The following COL5A1 variants were observed in gnomAD, a reference collection of about 807,000 sequenced individuals.
COL5A1 encodes collagen alpha-1(V) chain.
COL5A1 carries 16 observed loss-of-function variants against 263.7 expected under a neutral mutation model. The ratio of observed to expected loss-of-function variants is 0.06; its 90% CI spans 0.04 to 0.09. COL5A1 has a LOEUF of 0.09. Among genes scored for constraint, COL5A1 ranks in the 10% least tolerant of loss-of-function variants. The probability of loss-of-function intolerance (pLI) is 1.00; values close to 1 mark genes in which losing one functional copy is unlikely to be tolerated. For synonymous variants in COL5A1, 1,012 were observed against 1,004.5 expected, an observed-to-expected ratio of 1.01 and a Z score of -0.14; for missense variants, 2,036 against 2,540.5, an observed-to-expected ratio of 0.80 and a Z score of 4.27.
At position 134,765,798 on chromosome 9, in the gene COL5A1, C is replaced by A; in HGVS notation, c.2088+64C>A. On this transcript the variant is annotated intron_variant, in intron 21 of 65. Coordinates refer to ENST00000371817, the MANE Select transcript of COL5A1 (RefSeq NM_000093.5). The surrounding 1 kb of genome is among the most constrained non-coding windows in gnomAD (Gnocchi z 5.1). ...CGGCCTTTGAGACCCCGCCTCCCAG[C>A]CGGTGGACGCTTGGGCACTGGGGCA... 7.1e-6 allele frequency: 10 copies of A among 1,410,924 alleles called. No individual in the cohort carries two copies. Among genetic ancestry groups the A allele is most frequent in the Non-Finnish European group, 9.9e-6 (10 of 1,010,784 alleles). 87.4% of individuals were successfully genotyped at this position (1,410,924 alleles called of 1,614,324 possible). A position where few individuals can be genotyped will look rare whatever the true frequency, so the allele number is the denominator to read the frequency against.
At position 134,806,177 on chromosome 9, in the gene COL5A1, G is replaced by T. The variant is rs1035311171; in HGVS notation, c.3259-12G>T. On this transcript the variant is annotated splice_polypyrimidine_tract_variant and intron_variant, in intron 41 of 65. Coordinates refer to ENST00000371817, the MANE Select transcript of COL5A1 (RefSeq NM_000093.5). Reference sequence around the variant, plus strand: ...AGCCTTTGAAGCAGACTGTTTTCTTGCTCCACCTCAGGGATCTCCAGGGGA... The same window carrying T: ...AGCCTTTGAAGCAGACTGTTTTCTTTCTCCACCTCAGGGATCTCCAGGGGA... 3.2e-6 allele frequency: 5 copies of T among 1,544,166 alleles called. No homozygotes were observed. The African/African-American group carries it at 6.9e-5, about 21-fold the overall frequency.
At position 134,744,450 on chromosome 9, in the gene COL5A1, C is replaced by T. The variant is rs1588494101; in HGVS notation, c.1494+5642C>T. 2.6e-5 allele frequency among the ~76,000 whole-genome samples: 4 copies of T among 151,886 alleles called. No homozygotes were observed. The South Asian group carries it at 8.3e-4, about 31-fold the overall frequency. On this transcript the variant is annotated intron_variant, in intron 11 of 65. Coordinates refer to ENST00000371817, the MANE Select transcript of COL5A1 (RefSeq NM_000093.5). ...ACACACGCACACACTCATGTGTACA[C>T]GCACACACTCACCTATACATACACG...
At chr9:134,732,158 CCGGGGTGTCCGCTGCTCGGGGTCACAG>C in intron 9 of COL5A1, 31 bp downstream of exon 9, 1 of 1,612,890 alleles carries the variant, frequency 6.2e-7, no homozygotes, top group Non-Finnish European at 8.5e-7. Flanking sequence ...CCTCCCTGCG[CCGGGGTGTCCGCTGCTCGGGGTCACAG>C]CGGGGTGTGT....
chr9:134,648,861 G>T (rs1177078972), intron 1 of COL5A1, among the ~76,000 whole-genome samples: 1 of 152,216 alleles, frequency 6.6e-6, no homozygotes, highest in African/African-American at 2.4e-5. Context: ...GAGCCAGGAA[G>T]GTGCATCCTT....
chr9:134,805,469 C>T (rs1838262726), intron 41 of COL5A1, among the ~76,000 whole-genome samples: 2 of 152,278 alleles, frequency 1.3e-5, no homozygotes, highest in East Asian at 3.9e-4. Context: ...AGGAGCCACT[C>T]TGTGTTGCCT....
At chr9:134,773,602 C>T (rs948143843) in intron 26 of COL5A1, among the ~76,000 whole-genome samples, 3 of 152,342 alleles carry the variant, frequency 2.0e-5, no homozygotes, top group Admixed American at 6.5e-5. Flanking sequence ...GCTCTGGAAT[C>T]GGGCCTGATT....
chr9:134,817,520 G>A (rs1838803247), intron 53 of COL5A1, among the ~76,000 whole-genome samples: 1 of 152,198 alleles, frequency 6.6e-6, no homozygotes, highest in Admixed American at 6.5e-5. Flanking sequence ...TCCCCACGTG[G>A]CCTGAGAGGC....
chr9:134,705,085 C>T (rs968715902), intron 4 of COL5A1, among the ~76,000 whole-genome samples: 1 of 152,204 alleles, frequency 6.6e-6, no homozygotes, highest in Non-Finnish European at 1.5e-5. Flanking sequence ...CCAATCTGTT[C>T]TGTGTTTAGA....
At chr9:134,796,527 C>T in intron 35 of COL5A1, 109 bp downstream of exon 35, 1 of 1,157,380 alleles carries the variant, frequency 8.6e-7, no homozygotes, top group Non-Finnish European at 1.3e-6. Context: ...GCCTCAGACC[C>T]TGCTGAAGGG....
intron 2 of COL5A1, 79 bp downstream of exon 2, chr9:134,691,158 T>C: frequency 6.4e-7 from 1 of 1,569,818 alleles, no homozygotes; most frequent in Non-Finnish European, 8.7e-7. Context: ...CGCTCAAGCC[T>C]GCGTGGTGGC....
chr9:134,652,028 T>C lies in COL5A1; in HGVS notation c.109+9732T>C, dbSNP rs10858265. On this transcript the variant is annotated intron_variant, in intron 1 of 65. Transcript: ENST00000371817. The surrounding 1 kb of genome is among the most constrained non-coding windows in gnomAD (Gnocchi z 4.4). ...GGAGGGATGGTGACTCCCAGAGGTA[T>C]TAAGGAAAGGAGAAAGTGACACTGA... Among the ~76,000 whole-genome samples, 68,062 of 151,814 alleles carry C rather than the reference T, an allele frequency of 0.45. 16,761 individuals carry two copies. The highest frequency in any genetic ancestry group is 0.65 in the African/African-American group (26,705 of 41,366).
At chr9:134,745,593 G>A (rs1006561416) in intron 11 of COL5A1, among the ~76,000 whole-genome samples, 2 of 152,148 alleles carry the variant, frequency 1.3e-5, no homozygotes, top group South Asian at 2.1e-4. Flanking sequence ...ATAGGGCCCC[G>A]CTTCCAGTCT....
intron 37 of COL5A1, among the ~76,000 whole-genome samples, chr9:134,800,749 C>CAAAAA (rs397951217): frequency 0.31 from 24,811 of 81,088 alleles, 3,844 homozygotes; most frequent in East Asian, 0.44. Context: ...CTGTCTCAAA[C>CAAAAA]AAAAAAAAAA....
At chr9:134,669,460 A>G (rs1331784983) in intron 1 of COL5A1, among the ~76,000 whole-genome samples, 2 of 151,766 alleles carry the variant, frequency 1.3e-5, no homozygotes, top group Non-Finnish European at 2.9e-5. Flanking sequence ...CTCCTCTACC[A>G]TAGCGATTGG....
intron 1 of COL5A1, among the ~76,000 whole-genome samples, chr9:134,646,202 G>A (rs959340546): frequency 2.0e-5 from 3 of 152,132 alleles, no homozygotes; most frequent in Admixed American, 6.5e-5. Flanking sequence ...GGGACCCCTC[G>A]TTTCCTTCCA....
Position 134,758,919 on chromosome 9 carries a change from C to G in COL5A1, c.1935+623C>G, listed in dbSNP as rs957892887. 1.3e-5 allele frequency among the ~76,000 whole-genome samples: 2 copies of G among 152,148 alleles called. No homozygotes were observed. The highest frequency in any genetic ancestry group is 4.8e-5 in the African/African-American group (2 of 41,408). ...CTTTGGATAAACGGCAACAGCCAAG[C>G]CCCTCGAATCTTGAATCTGTCTCAA... On this transcript the variant is annotated intron_variant, in intron 18 of 65. Coordinates refer to ENST00000371817, the MANE Select transcript of COL5A1 (RefSeq NM_000093.5). The surrounding 1 kb of genome is among the most constrained non-coding windows in gnomAD (Gnocchi z 4.1).
At chr9:134,806,903 G>A (rs1413231984) in intron 42 of COL5A1, among the ~76,000 whole-genome samples, 2 of 152,202 alleles carry the variant, frequency 1.3e-5, no homozygotes, top group Admixed American at 1.3e-4. Flanking sequence ...CCACCTGCTG[G>A]TAAGCCCCGA....
chr9:134,653,982 G>T (rs1455795769), intron 1 of COL5A1, among the ~76,000 whole-genome samples: 1 of 143,850 alleles, frequency 7.0e-6, no homozygotes, highest in Non-Finnish European at 1.5e-5. Context: ...GGCTGGAAGT[G>T]TATAGGGCTG....
At chr9:134,788,306 C>T (rs3128622) in intron 31 of COL5A1, among the ~76,000 whole-genome samples, 3 of 134,410 alleles carry the variant, frequency 2.2e-5, no homozygotes, top group East Asian at 5.2e-4. Context: ...GTAGACAGGT[C>T]GATGAATGGA....
Sources: allele counts gnomAD v4.1 joint callset (sites outside exome capture counted in the v4.1 genomes callset), GRCh38; gene constraint gnomAD v4.1.1; non-coding constraint Gnocchi (gnomAD v3.1); transcripts MANE v1.5; gene names NCBI Gene and HGNC (gene_info 2026-07-23, HGNC 2026-07-21).